The following CAMKMT variants were observed in gnomAD, a reference collection of about 807,000 sequenced individuals.
The protein encoded by CAMKMT is calmodulin-lysine N-methyltransferase.
Under a neutral mutation model 48.0 loss-of-function variants are expected in CAMKMT, and 53 were observed. The ratio of observed to expected loss-of-function variants is 1.10; its 90% CI spans 0.89 to 1.39. CAMKMT has a LOEUF of 1.39. Among genes scored for constraint, CAMKMT ranks in the 40% most tolerant of loss-of-function variants. The pLI, the probability that CAMKMT is intolerant of heterozygous loss-of-function variation, is 0.00. For missense variants in CAMKMT, 428 were observed against 402.7 expected, an observed-to-expected ratio of 1.06 and a Z score of -0.54; for synonymous variants, 165 against 152.3, an observed-to-expected ratio of 1.08 and a Z score of -0.61.
intron 3 of CAMKMT, among the ~76,000 whole-genome samples, chr2:44,621,266 C>CAAAA (rs10667154): frequency 0.041 from 3,412 of 83,858 alleles, 211 homozygotes; most frequent in African/African-American, 0.13. Context: ...GACTCCATCT[C>CAAAA]AAAAAAAAAA....
chr2:44,535,759 A>G (rs551513018), intron 3 of CAMKMT, among the ~76,000 whole-genome samples: 6 of 152,150 alleles, frequency 3.9e-5, no homozygotes, highest in African/African-American at 9.7e-5. Flanking sequence ...AAGGCCATAT[A>G]TGACAAGCCC....
intron 9 of CAMKMT, among the ~76,000 whole-genome samples, chr2:44,763,149 GGAT>G (rs1480149532): frequency 6.6e-6 from 1 of 152,162 alleles, no homozygotes; most frequent in Non-Finnish European, 1.5e-5. Context: ...GTGAATGAAT[GGAT>G]GATGGGCTCT....
intron 3 of CAMKMT, among the ~76,000 whole-genome samples, chr2:44,693,393 T>C (rs1423438268): frequency 1.3e-5 from 2 of 152,186 alleles, no homozygotes; most frequent in Admixed American, 1.3e-4. Context: ...CCTTTCTCAT[T>C]TATTCTAGAG....
chr2:44,560,095 C>A (rs895651818), intron 3 of CAMKMT, among the ~76,000 whole-genome samples: 2 of 152,070 alleles, frequency 1.3e-5, no homozygotes, highest in African/African-American at 4.8e-5. Flanking sequence ...AGTCGCTTTT[C>A]AAGTTGTCAG....
intron 3 of CAMKMT, among the ~76,000 whole-genome samples, chr2:44,431,427 C>T (rs1398265834): frequency 1.3e-5 from 2 of 152,128 alleles, no homozygotes; most frequent in African/African-American, 4.8e-5. Context: ...CCTCCAGAAG[C>T]TGCCATTTAT....
intron 3 of CAMKMT, among the ~76,000 whole-genome samples, chr2:44,536,009 G>C (rs1666752201): frequency 6.6e-6 from 1 of 152,144 alleles, no homozygotes; most frequent in Non-Finnish European, 1.5e-5. Context: ...GTTAAATTCA[G>C]TAAAGTTGCA....
chr2:44,589,095 C>A, intron 3 of CAMKMT, among the ~76,000 whole-genome samples: 1 of 39,780 alleles, frequency 2.5e-5, no homozygotes. Flanking sequence ...AAGTGAGGAG[C>A]CCCTCTGCCT....
At chr2:44,492,282 G>C (rs1487710280) in intron 3 of CAMKMT, among the ~76,000 whole-genome samples, 2 of 152,016 alleles carry the variant, frequency 1.3e-5, no homozygotes, top group Non-Finnish European at 2.9e-5. Context: ...ATGAAATTTA[G>C]TCTGTGGTTA....
intron 3 of CAMKMT, among the ~76,000 whole-genome samples, chr2:44,535,059 A>G (rs1666694144): frequency 6.6e-6 from 1 of 152,094 alleles, no homozygotes; most frequent in Admixed American, 6.6e-5. Flanking sequence ...GAAATGAGAA[A>G]GGAGATATTA....
Position 44,731,957 on chromosome 2 carries a change from A to AT in CAMKMT, c.624-11660dup, listed in dbSNP as rs576006622. Among the ~76,000 whole-genome samples the AT allele has an allele frequency of 7.0e-4, 106 of 152,212 alleles. 3 individuals are homozygous for AT. The East Asian group carries it at 0.016, about 24-fold the overall frequency. On this transcript the variant is annotated intron_variant, in intron 7 of 10. Transcript: ENST00000378494. ...TCCATAGCTGTTATGATTTTTCTTT[A>AT]TTTTTAAAATTAGAGACAGGATCGT...
chr2:44,390,241 G>A lies in CAMKMT; in HGVS notation c.312G>A (p.Arg104=), dbSNP rs764050814. 16 of 1,604,702 alleles carry A rather than the reference G, an allele frequency of 1.0e-5. No homozygotes were observed. The highest frequency in any genetic ancestry group is 1.3e-5 in the Non-Finnish European group (15 of 1,176,788). ...IFCPEYSISL[R]HNSGSLNVED... is the part of the protein sequence containing the mutation. ...AAGCAAACGCTTTACTCCTTTCTAG[G>A]CATAATAGTGGATCCTTGAATGTTG... The change falls in exon 3 of 11, where the codon AGG becomes AGA. Residue 104 remains arginine (R), a splice_region_variant and synonymous_variant. Coordinates refer to ENST00000378494, the MANE Select transcript of CAMKMT (RefSeq NM_024766.5).
intron 3 of CAMKMT, among the ~76,000 whole-genome samples, chr2:44,511,339 C>T (rs560644075): frequency 5.3e-5 from 8 of 152,156 alleles, no homozygotes; most frequent in Non-Finnish European, 8.8e-5. Context: ...CGCAGGCTGG[C>T]GTACAATGGC....
At chr2:44,577,879 C>T (rs1462028877) in intron 3 of CAMKMT, among the ~76,000 whole-genome samples, 1 of 152,176 alleles carries the variant, frequency 6.6e-6, no homozygotes, top group Admixed American at 6.5e-5. Context: ...GCTTGTATCT[C>T]CTAGTGACTC....
At chr2:44,427,672 T>C (rs1401840971) in intron 3 of CAMKMT, among the ~76,000 whole-genome samples, 1 of 152,210 alleles carries the variant, frequency 6.6e-6, no homozygotes, top group Non-Finnish European at 1.5e-5. Flanking sequence ...AAAATGTGTA[T>C]ATGTATTTTT....
intron 3 of CAMKMT, among the ~76,000 whole-genome samples, chr2:44,532,731 A>G (rs72881120): frequency 8.7e-4 from 132 of 152,354 alleles, no homozygotes; most frequent in Admixed American, 2.8e-3. Flanking sequence ...AATGGAAATA[A>G]TGAAGCTGAA....
chr2:44,658,700 C>G (rs1674511906), intron 3 of CAMKMT, among the ~76,000 whole-genome samples: 1 of 152,130 alleles, frequency 6.6e-6, no homozygotes, highest in South Asian at 2.1e-4. Context: ...CACAAGATTA[C>G]TATTGCATTT....
intron 3 of CAMKMT, among the ~76,000 whole-genome samples, chr2:44,561,660 TAGG>T (rs1558704112): frequency 1.3e-5 from 2 of 152,304 alleles, no homozygotes; most frequent in East Asian, 3.9e-4. Flanking sequence ...TATCTCTTAT[TAGG>T]AGTTTTTCAA....
intron 3 of CAMKMT, among the ~76,000 whole-genome samples, chr2:44,608,151 C>A (rs531722921): frequency 2.1e-5 from 3 of 146,306 alleles, no homozygotes; most frequent in African/African-American, 7.5e-5. Flanking sequence ...CGGCTCACTG[C>A]AAGCTCCGCC....
Position 44,595,503 on chromosome 2 carries a change from A to G in CAMKMT, c.377-108780A>G, listed in dbSNP as rs568568434. On this transcript the variant is annotated intron_variant, in intron 3 of 10. Coordinates refer to ENST00000378494, the MANE Select transcript of CAMKMT (RefSeq NM_024766.5). ...GCTCAAGGAAATAAAAGAGGACACA[A>G]ACAAATGGAAAAACATTGCATGCTC... Among the ~76,000 whole-genome samples the G allele has an allele frequency of 4.6e-5, 7 of 152,342 alleles. No individual in the cohort carries two copies. In the East Asian group the frequency reaches 1.2e-3, roughly 25 times the overall value.
Sources: gnomAD v4.1 joint callset for allele counts (sites outside exome capture counted in the v4.1 genomes callset) on GRCh38, gnomAD v4.1.1 for gene constraint, MANE v1.5 for transcripts, NCBI Gene and HGNC (gene_info 2026-07-23, HGNC 2026-07-21) for gene names.